Variants in DLGAP2 observed in about 807,000 individuals in gnomAD.
DLGAP2 encodes DLG associated protein 2, also known as disks large-associated protein 2.
DLGAP2 carries 26 observed loss-of-function variants against 100.3 expected under a neutral mutation model. The observed-to-expected ratio is 0.26, with a 90% CI of 0.19 to 0.36. DLGAP2 has a LOEUF of 0.36. Among genes scored for constraint, DLGAP2 ranks in the 10% least tolerant of loss-of-function variants. The pLI, the probability that DLGAP2 is intolerant of heterozygous loss-of-function variation, is 1.00. For synonymous variants in DLGAP2, 886 were observed against 630.1 expected (o/e 1.41, Z -6.08); for missense variants, 1,858 against 1,453.2 (o/e 1.28, Z -4.53).
intron 3 of DLGAP2, among the ~76,000 whole-genome samples, chr8:1,475,856 G>A (rs959772114): frequency 6.6e-6 from 1 of 152,090 alleles, no homozygotes; most frequent in Non-Finnish European, 1.5e-5. Context: ...CAATTTTCAG[G>A]TCCCATTTCT....
chr8:1,177,572 T>C (rs1797287667), intron 2 of DLGAP2, among the ~76,000 whole-genome samples: 1 of 152,232 alleles, frequency 6.6e-6, no homozygotes, highest in Admixed American at 6.5e-5. Context: ...TAGATGACTT[T>C]TATTTCATTA....
intron 3 of DLGAP2, among the ~76,000 whole-genome samples, chr8:1,465,212 C>A (rs1008114981): frequency 3.9e-5 from 6 of 152,250 alleles, no homozygotes; most frequent in African/African-American, 1.4e-4. Flanking sequence ...TAAACCGAGG[C>A]TCCTGCAAGC....
chr8:1,277,700 G>A (rs1262578147), intron 3 of DLGAP2, among the ~76,000 whole-genome samples: 1 of 152,164 alleles, frequency 6.6e-6, no homozygotes, highest in Non-Finnish European at 1.5e-5. Context: ...CAGGCTGGCA[G>A]CAGCTGCACC....
intron 3 of DLGAP2, among the ~76,000 whole-genome samples, chr8:1,499,398 T>G (rs182901880): frequency 6.6e-6 from 1 of 152,228 alleles, no homozygotes; most frequent in Non-Finnish European, 1.5e-5. Flanking sequence ...ATTGTTTTAG[T>G]TCATCCCCAA....
At chr8:1,425,604 G>A (rs1039759153) in intron 3 of DLGAP2, among the ~76,000 whole-genome samples, 3 of 152,210 alleles carry the variant, frequency 2.0e-5, no homozygotes, top group Admixed American at 2.0e-4. Context: ...ATCCCGGACA[G>A]CCTGGGCGCA....
chr8:1,116,926 T>C (rs1309215472), intron 2 of DLGAP2, among the ~76,000 whole-genome samples: 4 of 152,204 alleles, frequency 2.6e-5, no homozygotes. Flanking sequence ...GCAAAACCTC[T>C]TCCGCAGCCA....
chr8:1,550,909 T>C (rs533856107), intron 5 of DLGAP2, among the ~76,000 whole-genome samples: 23 of 152,332 alleles, frequency 1.5e-4, no homozygotes, highest in African/African-American at 5.5e-4. Flanking sequence ...GAGCAGCGGC[T>C]GTGGGCCTCG....
At chr8:1,276,033 A>G (rs962091914) in intron 3 of DLGAP2, among the ~76,000 whole-genome samples, 2 of 137,698 alleles carry the variant, frequency 1.5e-5, no homozygotes, top group African/African-American at 5.4e-5. Context: ...AAATAAATAT[A>G]TAACGTATAA....
chr8:942,033 C>T (rs985538888), intron 2 of DLGAP2, among the ~76,000 whole-genome samples: 1 of 152,056 alleles, frequency 6.6e-6, no homozygotes, highest in African/African-American at 2.4e-5. Context: ...CTCTGTTGTC[C>T]AGGCTGGTCT....
chr8:1,285,331 A>G lies in DLGAP2; in HGVS notation c.106+26448A>G, dbSNP rs573968689. On this transcript the variant is annotated intron_variant, in intron 3 of 14. Coordinates refer to ENST00000637795, the MANE Select transcript of DLGAP2 (RefSeq NM_001346810.2). The stretch of plus-strand genomic sequence containing the variant: ...AACAGTGCATACATTTATTTTTTTA[A>G]TAATGTCTTTTGATTTATTTTTCTC... Among the ~76,000 whole-genome samples, 3 of 152,364 alleles carry G rather than the reference A, an allele frequency of 2.0e-5. No homozygotes were observed. The South Asian group carries it at 6.2e-4, about 32-fold the overall frequency.
chr8:1,644,585 C>T (rs1483281113), intron 8 of DLGAP2, among the ~76,000 whole-genome samples: 1 of 152,244 alleles, frequency 6.6e-6, no homozygotes, highest in Non-Finnish European at 1.5e-5. Context: ...GCACGAAGCA[C>T]GGCTTCTGCT....
chr8:1,066,191 G>A (rs886585594), intron 2 of DLGAP2, among the ~76,000 whole-genome samples: 1 of 151,510 alleles, frequency 6.6e-6, no homozygotes, highest in African/African-American at 2.4e-5. Context: ...ACCACGGTCA[G>A]GTCTGAGTGA....
At chr8:1,278,886 G>A (rs945695759) in intron 3 of DLGAP2, among the ~76,000 whole-genome samples, 2 of 152,188 alleles carry the variant, frequency 1.3e-5, no homozygotes, top group African/African-American at 4.8e-5. Context: ...ACAATTTAAT[G>A]TTTAGGGGAT....
chr8:1,032,316 C>T (rs1395150190), intron 2 of DLGAP2, among the ~76,000 whole-genome samples: 2 of 152,208 alleles, frequency 1.3e-5, no homozygotes, highest in Non-Finnish European at 2.9e-5. Flanking sequence ...TGCACCCGCT[C>T]CAGTTGGTGC....
intron 2 of DLGAP2, among the ~76,000 whole-genome samples, chr8:923,024 A>G (rs1798745916): frequency 6.6e-6 from 1 of 152,078 alleles, no homozygotes; most frequent in Admixed American, 6.6e-5. Flanking sequence ...ACTCTGTATC[A>G]CACTCGGGTG....
chr8:1,114,247 T>A (rs1356729553), intron 2 of DLGAP2, among the ~76,000 whole-genome samples: 3 of 152,186 alleles, frequency 2.0e-5, no homozygotes, highest in South Asian at 4.1e-4. Flanking sequence ...CCTTTTCAGT[T>A]TTTTTTAATA....
intron 6 of DLGAP2, among the ~76,000 whole-genome samples, chr8:1,580,139 C>A (rs1803168298): frequency 1.3e-5 from 2 of 152,198 alleles, no homozygotes; most frequent in South Asian, 4.1e-4. Flanking sequence ...ATTCTCAAGA[C>A]ACAGGGCAAT....
chr8:1,124,943 T>A (rs1204671898), intron 2 of DLGAP2, among the ~76,000 whole-genome samples: 1 of 151,978 alleles, frequency 6.6e-6, no homozygotes, highest in Non-Finnish European at 1.5e-5. Flanking sequence ...GGAGGCATCG[T>A]CCCCCTCATC....
chr8:1,112,312 C>A (rs1015389047), intron 2 of DLGAP2, among the ~76,000 whole-genome samples: 19 of 127,306 alleles, frequency 1.5e-4, no homozygotes, highest in Non-Finnish European at 3.0e-4. Context: ...GTGATCTTGG[C>A]TCACTGCAAG....
Sources: gnomAD v4.1 joint callset for allele counts (sites outside exome capture counted in the v4.1 genomes callset) on GRCh38, gnomAD v4.1.1 for gene constraint, MANE v1.5 for transcripts, NCBI Gene and HGNC (gene_info 2026-07-23, HGNC 2026-07-21) for gene names.